The following STK4 variants were observed in gnomAD, a reference collection of about 807,000 sequenced individuals.
STK4 encodes the protein serine/threonine-protein kinase 4.
A neutral mutation model predicts 64.9 loss-of-function variants in STK4; 30 were observed. The observed-to-expected ratio is 0.46, with a 90% CI of 0.35 to 0.63. The LOEUF (loss-of-function observed/expected upper bound fraction) is 0.63, where lower values mean the gene tolerates loss of function less well. STK4 is among the 20% of genes least tolerant of loss of function. The probability of loss-of-function intolerance (pLI) is 0.01; values close to 1 mark genes in which losing one functional copy is unlikely to be tolerated. For synonymous variants in STK4, 177 were observed against 199.0 expected, an observed-to-expected ratio of 0.89 and a Z score of 0.93; for missense variants, 466 against 598.5, an observed-to-expected ratio of 0.78 and a Z score of 2.31.
At chr20:45,063,114 C>T (rs1979242490) in intron 10 of STK4, among the ~76,000 whole-genome samples, 1 of 147,854 alleles carries the variant, frequency 6.8e-6, no homozygotes, top group Admixed American at 6.8e-5. Flanking sequence ...GTTGATCCAC[C>T]CATCTCAGCC....
chr20:45,000,564 T>C (rs1335283619), intron 8 of STK4, 44 bp downstream of exon 8: 1 of 1,611,214 alleles, frequency 6.2e-7, no homozygotes, highest in Non-Finnish European at 8.5e-7. Context: ...TTGATGCTTG[T>C]TATTTTATGA....
intron 10 of STK4, among the ~76,000 whole-genome samples, chr20:45,050,533 T>A (rs2145437147): frequency 6.6e-6 from 1 of 152,358 alleles, no homozygotes; most frequent in South Asian, 2.1e-4. Context: ...GAAATTTTGA[T>A]ACATATTGTT....
At chr20:45,074,948 G>A (rs1980393974) in intron 10 of STK4, 70 bp from the exon 11 acceptor site, 2 of 1,579,728 alleles carry the variant, frequency 1.3e-6, no homozygotes, top group African/African-American at 1.3e-5. Context: ...GCCTGGGAAG[G>A]CTGGGCTTCT....
intron 9 of STK4, among the ~76,000 whole-genome samples, chr20:45,014,027 T>A (rs1417843585): frequency 2.0e-5 from 3 of 152,190 alleles, no homozygotes; most frequent in African/African-American, 7.2e-5. Flanking sequence ...TGCAGAAGAA[T>A]AGTTTCACCA....
At chr20:45,000,906 G>T (rs1159621791) in intron 8 of STK4, among the ~76,000 whole-genome samples, 1 of 152,240 alleles carries the variant, frequency 6.6e-6, no homozygotes, top group East Asian at 1.9e-4. Flanking sequence ...GTTCACATGA[G>T]TTTCTTAGAT....
intron 9 of STK4, among the ~76,000 whole-genome samples, chr20:45,016,117 C>G (rs908942446): frequency 6.6e-6 from 1 of 151,928 alleles, no homozygotes; most frequent in Non-Finnish European, 1.5e-5. Flanking sequence ...ACCATTGTGC[C>G]GAGAAGAGAG....
chr20:45,010,842 G>T (rs1363176122), intron 9 of STK4, among the ~76,000 whole-genome samples: 2 of 152,154 alleles, frequency 1.3e-5, no homozygotes, highest in Non-Finnish European at 2.9e-5. Context: ...TTTCCAGAAA[G>T]AAAGGACAGA....
chr20:45,032,774 T>C (rs1201266976), intron 10 of STK4, among the ~76,000 whole-genome samples: 1 of 152,154 alleles, frequency 6.6e-6, no homozygotes, highest in Admixed American at 6.5e-5. Flanking sequence ...TTCTGTGCCT[T>C]TGGGTATATA....
At chr20:45,047,535 T>A (rs16989621) in intron 10 of STK4, among the ~76,000 whole-genome samples, 4,275 of 152,308 alleles carry the variant, frequency 0.028, 184 homozygotes, top group African/African-American at 0.092. Context: ...TCTTTGGAAA[T>A]CTTTTTAAAT....
At chr20:45,072,505 A>G (rs1339866278) in intron 10 of STK4, among the ~76,000 whole-genome samples, 4 of 151,978 alleles carry the variant, frequency 2.6e-5, no homozygotes, top group Admixed American at 6.5e-5. Context: ...GTTTATTGCT[A>G]TTTTCCTTGC....
intron 5 of STK4, among the ~76,000 whole-genome samples, chr20:44,990,946 G>A (rs1029099959): frequency 6.6e-6 from 1 of 152,120 alleles, no homozygotes; most frequent in African/African-American, 2.4e-5. Context: ...TTTTCCTGGC[G>A]ACTGACTGAG....
At chr20:45,033,767 A>G (rs2068483669) in intron 10 of STK4, among the ~76,000 whole-genome samples, 1 of 152,074 alleles carries the variant, frequency 6.6e-6, no homozygotes, top group Non-Finnish European at 1.5e-5. Flanking sequence ...TTTAGTAGAG[A>G]TGGGGTTTCA....
chr20:45,076,687 C>T lies in STK4; in HGVS notation c.*1511C>T, dbSNP rs1980542245. The stretch of plus-strand genomic sequence containing the variant: ...GGCTTTGCAAAAGACAGCATAGAGC[C>T]ATCTTCCTGCAACTTTACCTCTTTC... On this transcript the variant is annotated 3_prime_UTR_variant, in exon 11 of 11. Transcript: ENST00000372806. The surrounding 1 kb of genome is among the most constrained non-coding windows in gnomAD (Gnocchi z 4.0). 1 of 152,238 alleles carries T rather than the reference C, an allele frequency of 6.6e-6. No individual in the cohort carries two copies. 9.4% of individuals were successfully genotyped at this position (152,238 alleles called of 1,614,324 possible).
In STK4 at chr20:45,075,031, C is replaced by T; in HGVS notation, c.1319C>T (p.Thr440Ile). Reference sequence around the variant, plus strand: ...CTTCTCTTCTAGCTTAAGAGTTGGACAGTGGAGGACCTTCAGAAGAGGCTC... The same window carrying T: ...CTTCTCTTCTAGCTTAAGAGTTGGATAGTGGAGGACCTTCAGAAGAGGCTC... ...DGDYEFLKSW[T>I]VEDLQKRLLA... Residue 440 changes from threonine (T) to isoleucine (I), a missense_variant, in exon 11 of 11, where the codon ACA (threonine) becomes ATA (isoleucine). This residue lies in a region of STK4 where 276 missense variants were observed against 308.9 expected (regional missense o/e 0.89). Coordinates refer to ENST00000372806, the MANE Select transcript of STK4 (RefSeq NM_006282.5). 1.2e-6 allele frequency: 2 copies of T among 1,614,176 alleles called. No homozygotes were observed. Among genetic ancestry groups the T allele is most frequent in the Non-Finnish European group, 1.7e-6 (2 of 1,180,026 alleles).
intron 9 of STK4, among the ~76,000 whole-genome samples, chr20:45,012,787 C>T (rs1158530859): frequency 9.1e-6 from 1 of 110,326 alleles, no homozygotes; most frequent in South Asian, 2.6e-4. Context: ...TAATCTTCTT[C>T]TTCTTCTTCT....
chr20:45,026,647 A>G (rs2068353614), intron 10 of STK4, among the ~76,000 whole-genome samples: 1 of 152,236 alleles, frequency 6.6e-6, no homozygotes, highest in Non-Finnish European at 1.5e-5. Context: ...GAGTGGAATG[A>G]AAGACCATTG....
intron 7 of STK4, 54 bp downstream of exon 7, chr20:44,997,360 A>C (rs1217689731): frequency 2.6e-6 from 4 of 1,538,328 alleles, no homozygotes; most frequent in Non-Finnish European, 3.5e-6. Context: ...TTGCTGACCA[A>C]AAGATGCCAT....
At chr20:45,048,150 T>TA (rs1371816950) in intron 10 of STK4, among the ~76,000 whole-genome samples, 1 of 152,222 alleles carries the variant, frequency 6.6e-6, no homozygotes, top group Non-Finnish European at 1.5e-5. Context: ...GGCAGTCTGA[T>TA]ATACTGACCA....
chr20:44,997,112 T>C (rs950812103), intron 6 of STK4, 57 bp from the exon 7 acceptor site: 8 of 1,603,480 alleles, frequency 5.0e-6, no homozygotes, highest in African/African-American at 1.3e-5. Flanking sequence ...GTATTTTTTA[T>C]TGGAGCATTA....
Sources: allele counts gnomAD v4.1 joint callset (sites outside exome capture counted in the v4.1 genomes callset), GRCh38; gene constraint gnomAD v4.1.1; regional missense constraint gnomAD v4.1.1; non-coding constraint Gnocchi (gnomAD v3.1); transcripts MANE v1.5; gene names NCBI Gene and HGNC (gene_info 2026-07-23, HGNC 2026-07-21).